EDRF1: variants seen among roughly 807,000 people sequenced by gnomAD.
The protein encoded by EDRF1 is erythroid differentiation regulatory factor 1.
EDRF1 carries 69 observed loss-of-function variants against 148.7 expected under a neutral mutation model. That is an observed-to-expected ratio of 0.46 (90% CI 0.38 to 0.57). The LOEUF (loss-of-function observed/expected upper bound fraction) is 0.57. EDRF1 is among the 20% of genes least tolerant of loss of function. The pLI is 0.00. For synonymous variants in EDRF1, 515 were observed against 532.8 expected (o/e 0.97, Z 0.46); for missense variants, 1,118 against 1,478.7 (o/e 0.76, Z 4.00).
intron 8 of EDRF1, among the ~76,000 whole-genome samples, chr10:125,730,076 CAGTT>C (rs1309270847): frequency 1.3e-5 from 2 of 152,194 alleles, no homozygotes; most frequent in African/African-American, 4.8e-5. Context: ...TTACCAATGT[CAGTT>C]AGAAATACAA....
At chr10:125,721,112 C>T in intron 1 of EDRF1, 92 bp from the exon 2 acceptor site, 1 of 1,241,500 alleles carries the variant, frequency 8.1e-7, no homozygotes, top group Non-Finnish European at 1.2e-6. Context: ...CTTGTGAAGC[C>T]TGGTGTGACA....
At chr10:125,736,722 T>A (rs1205122252) in intron 13 of EDRF1, among the ~76,000 whole-genome samples, 1 of 151,944 alleles carries the variant, frequency 6.6e-6, no homozygotes, top group Non-Finnish European at 1.5e-5. Context: ...CTCAAAAGCA[T>A]CAAGATTATG....
rs1477380403 is a variant in EDRF1, at chr10:125,725,406, A to G, written c.599A>G (p.Tyr200Cys). Residue 200 changes from tyrosine to cysteine, a missense_variant, in exon 5 of 25, where the codon TAT (tyrosine) becomes TGT (cysteine). By Grantham distance (194) the Tyr-to-Cys change is radical (BLOSUM62 -2). Around this residue, in one of 3 missense-constraint regions of EDRF1, gnomAD observed 954 missense variants for 1,241.4 expected, o/e 0.77. Coordinates refer to ENST00000356792, the MANE Select transcript of EDRF1 (RefSeq NM_001202438.2). ...QRKKKSKEHW[Y>C]QKAILSKFLY... ...AAGAAAAAGAGCAAAGAGCACTGGT[A>G]TCAAAAGGCAATTCTTTCCAAGTTT... 3 of 1,613,972 alleles carry G rather than the reference A, an allele frequency of 1.9e-6. No individual in the cohort carries two copies. Among genetic ancestry groups the G allele is most frequent in the Non-Finnish European group, 2.5e-6 (3 of 1,179,992 alleles).
intron 13 of EDRF1, among the ~76,000 whole-genome samples, chr10:125,737,115 T>C (rs1413547008): frequency 6.6e-6 from 1 of 152,188 alleles, no homozygotes; most frequent in Non-Finnish European, 1.5e-5. Flanking sequence ...AGTGAAAAAA[T>C]GTTCTGGTTA....
Position 125,721,289 on chromosome 10 carries a change from C to T in EDRF1, c.194C>T (p.Ala65Val). Residue 65 changes from alanine to valine, a missense_variant, in exon 2 of 25, where the codon GCA (alanine) becomes GTA (valine). Physicochemically the swap from Ala to Val is moderately conservative, Grantham distance 64. Coordinates refer to ENST00000356792, the MANE Select transcript of EDRF1 (RefSeq NM_001202438.2). ...TCTGCCCCTCCTCGAACAGCATTTG[C>T]ACGCCTTGAAGAGAAAACAGACTTG... ...YSSAPPRTAF[A>V]RLEEKTDLKL... 6.2e-7 allele frequency: 1 copy of T among 1,614,220 alleles called. No individual in the cohort carries two copies. The highest frequency in any genetic ancestry group is 8.5e-7 in the Non-Finnish European group (1 of 1,180,048).
intron 3 of EDRF1, among the ~76,000 whole-genome samples, 154 bp downstream of exon 3, chr10:125,723,288 T>A (rs1362790025): frequency 6.6e-6 from 1 of 152,224 alleles, no homozygotes; most frequent in East Asian, 1.9e-4. Flanking sequence ...ATCTTTTTTG[T>A]TGTTAAAGTA....
At chr10:125,720,421 A>G (rs1028041002) in intron 1 of EDRF1, among the ~76,000 whole-genome samples, 7 of 152,236 alleles carry the variant, frequency 4.6e-5, no homozygotes, top group African/African-American at 1.2e-4. Flanking sequence ...GCATGCATGC[A>G]TGAACCGATG....
chr10:125,744,818 G>A (rs945998434), intron 18 of EDRF1: 4 of 152,226 alleles, frequency 2.6e-5, no homozygotes, highest in African/African-American at 9.7e-5. Context: ...ATCCTTGGAG[G>A]ATGCGTTCCA....
chr10:125,753,078 G>A (rs1849720870), intron 23 of EDRF1, among the ~76,000 whole-genome samples, 164 bp downstream of exon 23: 1 of 152,080 alleles, frequency 6.6e-6, no homozygotes. Flanking sequence ...TATTTGCCTG[G>A]TATTCATCTC....
At chr10:125,761,393 C>T (rs1850188277) in intron 24 of EDRF1, 1 of 203,816 alleles carries the variant, frequency 4.9e-6, no homozygotes, top group Non-Finnish European at 1.0e-5. Flanking sequence ...CAGATCCAGG[C>T]CTCTTAACAT....
rs1848083960 is a variant in EDRF1, at chr10:125,723,108, G to T, written c.358G>T (p.Asp120Tyr). The change falls in exon 3 of 25, where the codon GAT (aspartate) becomes TAT (tyrosine). Residue 120 changes from aspartate (D) to tyrosine (Y), a missense_variant. Transcript: ENST00000356792. ...AYDFIDSVGN[D>Y]VDVVSDSENI... is the part of the protein sequence containing the mutation. ...TGACTTTATTGATTCAGTGGGAAATGATGTGGATGTTGTCTCTGACTCTGA... is the reference window on the plus strand; with the variant it reads ...TGACTTTATTGATTCAGTGGGAAATTATGTGGATGTTGTCTCTGACTCTGA... 3 of 1,613,712 alleles carry T rather than the reference G, an allele frequency of 1.9e-6. No homozygotes were observed. The highest frequency in any genetic ancestry group is 3.3e-5 in the Admixed American group (2 of 60,010).
At chr10:125,749,338 T>A (rs1849530433) in intron 21 of EDRF1, 74 bp from the exon 22 acceptor site, 1 of 1,572,994 alleles carries the variant, frequency 6.4e-7, no homozygotes, top group African/African-American at 1.4e-5. Flanking sequence ...GGGGGAAAAA[T>A]AACTAAGAAG....
At chr10:125,748,316 C>A in intron 21 of EDRF1, 1 of 438,922 alleles carries the variant, frequency 2.3e-6, no homozygotes, top group Non-Finnish European at 4.2e-6. Context: ...TGTTCATTTT[C>A]TCAGCTCAGT....
chr10:125,733,714 C>T lies in EDRF1; in HGVS notation c.1356C>T (p.Phe452=), dbSNP rs932240545. 34 of 1,613,196 alleles carry T rather than the reference C, an allele frequency of 2.1e-5. No individual in the cohort carries two copies. In the East Asian group the frequency reaches 6.7e-4, roughly 32 times the overall value. ...CTGAAGACAAATACCAAAATCCATT[C>T]ACAATGCCGGTAGCCATTCTCTTGT... is the stretch of plus-strand genomic sequence containing the variant. ...EETEDKYQNP[F]TMPVAILLYK... is the part of the protein sequence containing the mutation. The change falls in exon 11 of 25, where the codon TTC becomes TTT. Residue 452 remains phenylalanine, a synonymous_variant. Transcript: ENST00000356792.
In EDRF1 at chr10:125,740,946, T is replaced by C. The variant is rs1051032404; in HGVS notation, c.2171-55T>C. On this transcript the variant is annotated intron_variant, in intron 16 of 24. Transcript: ENST00000356792. ...CACAGTTTCTTCATATTTCCTATGA[T>C]CATTAATTTTTTTCTGCATTTGTGT... 4.6e-6 allele frequency: 7 copies of C among 1,531,936 alleles called. No individual in the cohort carries two copies. The Admixed American group carries it at 5.0e-5, about 11-fold the overall frequency. The allele number at this position is 1,531,936 out of a possible 1,614,324, so 94.9% of individuals were successfully genotyped here. A position where few individuals can be genotyped will look rare whatever the true frequency, so the allele number is the denominator to read the frequency against.
At chr10:125,750,489 G>A (rs1163257295) in intron 22 of EDRF1, 4 of 152,160 alleles carry the variant, frequency 2.6e-5, no homozygotes, top group African/African-American at 4.8e-5. Context: ...CTCCTGTGTG[G>A]TAAAGAAACA....
chr10:125,762,636 A>G (rs1411711302), intron 24 of EDRF1, among the ~76,000 whole-genome samples: 1 of 152,226 alleles, frequency 6.6e-6, no homozygotes, highest in Non-Finnish European at 1.5e-5. Flanking sequence ...CAGGTAGAGT[A>G]CTGTCTAGTA....
chr10:125,729,415 T>A lies in EDRF1; in HGVS notation c.952T>A (p.Leu318Met). The change falls in exon 8 of 25, where the codon TTG becomes ATG. Residue 318 changes from leucine (L) to methionine (M), a missense_variant. Around this residue, in one of 3 missense-constraint regions of EDRF1, gnomAD observed 954 missense variants for 1,241.4 expected, o/e 0.77. Coordinates refer to ENST00000356792, the MANE Select transcript of EDRF1 (RefSeq NM_001202438.2). The part of the protein sequence containing the change: ...ILWTFEDIHM[L>M]VGSNMPIFGG... Reference sequence around the variant, plus strand: ...ATGGACATTTGAAGATATCCATATGTTGGTCGGCTCCAACATGCCCATATT... The same window carrying A: ...ATGGACATTTGAAGATATCCATATGATGGTCGGCTCCAACATGCCCATATT... 6.2e-7 allele frequency: 1 copy of A among 1,614,074 alleles called. No homozygotes were observed.
intron 2 of EDRF1, among the ~76,000 whole-genome samples, chr10:125,721,972 CTCTTT>C (rs1848029150): frequency 6.6e-6 from 1 of 152,194 alleles, no homozygotes; most frequent in Admixed American, 6.5e-5. Context: ...GTGTAGGGTT[CTCTTT>C]TCTTCTTCCC....
Sources: allele counts gnomAD v4.1 joint callset (sites outside exome capture counted in the v4.1 genomes callset), GRCh38; gene constraint gnomAD v4.1.1; regional missense constraint gnomAD v4.1.1; transcripts MANE v1.5; gene names NCBI Gene and HGNC (gene_info 2026-07-23, HGNC 2026-07-21).